RCL1: variants seen among roughly 807,000 people sequenced by gnomAD.
RCL1 encodes the protein RNA terminal phosphate cyclase like 1, also known as RNA 3'-terminal phosphate cyclase-like protein.
RCL1 carries 24 observed loss-of-function variants against 42.4 expected under a neutral mutation model. That is an observed-to-expected ratio of 0.57 (90% CI 0.41 to 0.80). The LOEUF (loss-of-function observed/expected upper bound fraction) is 0.80. Ranked by LOEUF, RCL1 falls within the 30% of genes least tolerant of loss-of-function variation. The pLI is 0.00. For synonymous variants in RCL1, 228 were observed against 177.3 expected (o/e 1.29, Z -2.27); for missense variants, 578 against 467.9 (o/e 1.24, Z -2.17).
At chr9:4,803,727 A>G (rs990475344) in intron 1 of RCL1, 7 of 134,910 alleles carry the variant, frequency 5.2e-5, no homozygotes, top group African/African-American at 2.0e-4. Flanking sequence ...TGTGAAAGGT[A>G]AAAAAAAAAA....
rs1457698943 is a variant in RCL1 at position 4,833,238 on chromosome 9, T to A, written c.459+10T>A. On this transcript the variant is annotated intron_variant, in intron 4 of 8. Transcript: ENST00000381750. ...ATCATTTGAACTGAAGGTAAGAATG[T>A]TTGAACTGTTGACCATATGTTCCTG... The A allele has an allele frequency of 1.9e-6, 3 of 1,598,080 alleles. No homozygotes were observed. The highest frequency in any genetic ancestry group is 2.6e-6 in the Non-Finnish European group (3 of 1,165,498).
intron 1 of RCL1, among the ~76,000 whole-genome samples, chr9:4,809,353 A>G (rs1476020806): frequency 6.6e-6 from 1 of 150,926 alleles, no homozygotes; most frequent in Non-Finnish European, 1.5e-5. Flanking sequence ...CTCTGTCGCC[A>G]GGCTGGAGTG....
At chr9:4,812,964 A>G (rs1816232712) in intron 1 of RCL1, among the ~76,000 whole-genome samples, 1 of 152,156 alleles carries the variant, frequency 6.6e-6, no homozygotes, top group Non-Finnish European at 1.5e-5. Context: ...CTAGGAGTTC[A>G]TGGCAGTACT....
At chr9:4,834,786 G>C (rs573444799) in intron 5 of RCL1, among the ~76,000 whole-genome samples, 2 of 152,264 alleles carry the variant, frequency 1.3e-5, no homozygotes, top group African/African-American at 4.8e-5. Flanking sequence ...TACTTCAGTA[G>C]TCACTTTACA....
intron 5 of RCL1, among the ~76,000 whole-genome samples, chr9:4,837,510 T>G (rs1430794378): frequency 2.6e-5 from 4 of 152,170 alleles, no homozygotes; most frequent in Non-Finnish European, 5.9e-5. Flanking sequence ...CCGTGAACTT[T>G]GTTTGGAATC....
chr9:4,841,235 C>T lies in RCL1; in HGVS notation c.588C>T (p.Tyr196=), dbSNP rs1353837285. 1 of 1,613,958 alleles carries T rather than the reference C, an allele frequency of 6.2e-7. No homozygotes were observed. Among genetic ancestry groups the T allele is most frequent in the South Asian group, 1.1e-5 (1 of 91,066 alleles). ...CATCCTTAACTCCAGGCTGCAGGTA[C>T]TCTGTACGTGTGTCACCTCAGATGG... ...GKIKRIRGMA[Y]SVRVSPQMAN... The change falls in exon 6 of 9, where the codon TAC becomes TAT. Residue 196 remains tyrosine, a synonymous_variant. Transcript: ENST00000381750.
At chr9:4,812,139 C>T (rs928624297) in intron 1 of RCL1, among the ~76,000 whole-genome samples, 2 of 151,982 alleles carry the variant, frequency 1.3e-5, no homozygotes, top group African/African-American at 4.8e-5. Flanking sequence ...TTCATAGCTT[C>T]ACTCCAATGG....
intron 1 of RCL1, among the ~76,000 whole-genome samples, chr9:4,823,117 T>A (rs1816649475): frequency 6.6e-6 from 1 of 152,132 alleles, no homozygotes; most frequent in African/African-American, 2.4e-5. Context: ...CAATTTAATC[T>A]TTCCTTCCAG....
chr9:4,834,796 A>G (rs1029790543), intron 5 of RCL1, among the ~76,000 whole-genome samples: 2 of 152,182 alleles, frequency 1.3e-5, no homozygotes, highest in East Asian at 1.9e-4. Context: ...GTCACTTTAC[A>G]TGCTTTTAAG....
At chr9:4,850,443 G>T (rs990734743) in intron 8 of RCL1, 3 of 334,946 alleles carry the variant, frequency 9.0e-6, no homozygotes, top group African/African-American at 2.1e-5. Context: ...GGCGTTGGGG[G>T]CATGAAAACC....
chr9:4,798,226 C>G (rs1357431598), intron 1 of RCL1, among the ~76,000 whole-genome samples: 3 of 152,214 alleles, frequency 2.0e-5, no homozygotes, highest in Non-Finnish European at 2.9e-5. Context: ...GCCTCTATCT[C>G]TGGATTTCAT....
Position 4,817,912 on chromosome 9 carries a change from A to ATTTTTTTTTTTTTTT in RCL1, c.137-5625_137-5611dup, listed in dbSNP as rs66886360. On this transcript the variant is annotated intron_variant, in intron 1 of 8. Coordinates refer to ENST00000381750, the MANE Select transcript of RCL1 (RefSeq NM_005772.5). ...TTCATTTTGCTCTTACTTTTCTAAGATTTTTTTTTTTTTTTTTTTTTTTTT... is the reference window on the plus strand; with the variant it reads ...TTCATTTTGCTCTTACTTTTCTAAGATTTTTTTTTTTTTTTTTTTTTTTTTTTTTTTTTTTTTTTT... 2.3e-4 allele frequency among the ~76,000 whole-genome samples: 18 copies of ATTTTTTTTTTTTTTT among 78,366 alleles called. 1 individual carries two copies. Among genetic ancestry groups the ATTTTTTTTTTTTTTT allele is most frequent in the East Asian group, 4.5e-4 (1 of 2,208 alleles). 51.4% of individuals were successfully genotyped at this position (78,366 alleles called of 152,430 possible).
intron 3 of RCL1, among the ~76,000 whole-genome samples, chr9:4,831,176 T>C (rs1195576109): frequency 6.6e-6 from 1 of 152,162 alleles, no homozygotes; most frequent in Non-Finnish European, 1.5e-5. Flanking sequence ...CCATGTCATA[T>C]GGAGAGTGAT....
intron 7 of RCL1, among the ~76,000 whole-genome samples, chr9:4,847,705 C>G (rs1214167704): frequency 2.6e-5 from 4 of 152,206 alleles, no homozygotes; most frequent in African/African-American, 7.2e-5. Flanking sequence ...TTTCCTGGGA[C>G]AAAGTCAGAA....
chr9:4,820,359 C>A (rs564466201), intron 1 of RCL1, among the ~76,000 whole-genome samples: 9 of 152,286 alleles, frequency 5.9e-5, no homozygotes, highest in Middle Eastern at 3.4e-3. Context: ...GGAGTCATAT[C>A]TTCACTGTTG....
intron 8 of RCL1, among the ~76,000 whole-genome samples, chr9:4,855,059 A>AG (rs1397770484): frequency 7.1e-5 from 10 of 140,278 alleles, no homozygotes; most frequent in African/African-American, 3.1e-4. Flanking sequence ...TCTCAAAAAA[A>AG]AAAAAAAAAA....
rs181986302 is a variant in RCL1 at position 4,824,440 on chromosome 9, G to C, written c.208+821G>C. Among the ~76,000 whole-genome samples, 19 of 147,238 alleles carry C rather than the reference G, an allele frequency of 1.3e-4. No homozygotes were observed. The Admixed American group carries it at 1.3e-3, about 10-fold the overall frequency. ...AGAACTTTCCCTTCCAGCACATGCA[G>C]GTCTTCCTTAATATTTCTGTGGGTT... On this transcript the variant is annotated intron_variant, in intron 2 of 8. Transcript: ENST00000381750.
intron 5 of RCL1, among the ~76,000 whole-genome samples, chr9:4,838,819 C>T (rs755670664): frequency 4.6e-5 from 7 of 152,214 alleles, no homozygotes; most frequent in Non-Finnish European, 1.0e-4. Flanking sequence ...TCAGAGAGTT[C>T]TCTGATTCTT....
At chr9:4,812,258 C>G (rs890770531) in intron 1 of RCL1, among the ~76,000 whole-genome samples, 4 of 152,008 alleles carry the variant, frequency 2.6e-5, no homozygotes, top group East Asian at 3.9e-4. Flanking sequence ...AAATGTTTGC[C>G]CAGAGTAAAC....
Sources: gnomAD v4.1 joint callset for allele counts (sites outside exome capture counted in the v4.1 genomes callset) on GRCh38, gnomAD v4.1.1 for gene constraint, MANE v1.5 for transcripts, NCBI Gene and HGNC (gene_info 2026-07-23, HGNC 2026-07-21) for gene names.